The following RAB10 variants were observed in gnomAD, a reference collection of about 807,000 sequenced individuals.
RAB10 encodes ras-related protein Rab-10.
Under a neutral mutation model 25.7 loss-of-function variants are expected in RAB10, and 5 were observed. The observed-to-expected ratio is 0.19, with a 90% CI of 0.10 to 0.41. The LOEUF (loss-of-function observed/expected upper bound fraction) is 0.41, where lower values mean the gene tolerates loss of function less well. Ranked by LOEUF, RAB10 falls within the 10% of genes least tolerant of loss-of-function variation. The probability of loss-of-function intolerance (pLI) is 1.00; values close to 1 mark genes in which losing one functional copy is unlikely to be tolerated. For synonymous variants in RAB10, 89 were observed against 86.4 expected (o/e 1.03, Z -0.16); for missense variants, 103 against 245.8 (o/e 0.42, Z 3.89).
rs1665723256 is a variant in RAB10 at position 26,034,621 on chromosome 2, A to G, written c.13A>G (p.Thr5Ala). The G allele has an allele frequency of 3.7e-6, 6 of 1,613,730 alleles. No homozygotes were observed. The highest frequency in any genetic ancestry group is 5.1e-6 in the Non-Finnish European group (6 of 1,180,040). The change falls in exon 1 of 6, where the codon ACG becomes GCG. Residue 5 changes from threonine to alanine, a missense_variant. Thr to Ala is a moderately conservative substitution (Grantham distance 58). Coordinates refer to ENST00000264710, the MANE Select transcript of RAB10 (RefSeq NM_016131.5). Reference protein sequence around the residue: MAKKTYDLLFKLLLI... With the variant: MAKKAYDLLFKLLLI... The stretch of plus-strand genomic sequence containing the variant: ...GCCGCTCCTCCCAATGGCGAAGAAG[A>G]CGTACGACCTGCTTTTCAAGCTGCT...
chr2:26,129,446 T>C (rs1433505573), intron 5 of RAB10, among the ~76,000 whole-genome samples: 1 of 152,238 alleles, frequency 6.6e-6, no homozygotes, highest in East Asian at 1.9e-4. Flanking sequence ...TTTTAAATTT[T>C]CTTAACCAAC....
intron 2 of RAB10, among the ~76,000 whole-genome samples, chr2:26,107,440 A>G (rs1351324141): frequency 6.6e-6 from 1 of 152,246 alleles, no homozygotes; most frequent in Non-Finnish European, 1.5e-5. Context: ...AAGCCAGTGT[A>G]TCTGACAAAG....
chr2:26,087,860 AC>A (rs1667020930), intron 1 of RAB10, among the ~76,000 whole-genome samples: 1 of 152,240 alleles, frequency 6.6e-6, no homozygotes, highest in Non-Finnish European at 1.5e-5. Flanking sequence ...CTATTATTAC[AC>A]AAAAGGATCT....
Position 26,105,722 on chromosome 2 carries a change from A to G in RAB10, c.189-4046A>G, listed in dbSNP as rs147722776. On this transcript the variant is annotated intron_variant, in intron 2 of 5. Transcript: ENST00000264710. ...TGATTAAGATGCAGTCATACAGTGCATAATGATATTTTAGTCAGTGACTAC... is the reference window on the plus strand; with the variant it reads ...TGATTAAGATGCAGTCATACAGTGCGTAATGATATTTTAGTCAGTGACTAC... 3.5e-3 allele frequency among the ~76,000 whole-genome samples: 527 copies of G among 152,368 alleles called. 4 individuals are homozygous for G. Among genetic ancestry groups the G allele is most frequent in the African/African-American group, 8.8e-3 (366 of 41,584 alleles).
intron 2 of RAB10, among the ~76,000 whole-genome samples, chr2:26,099,206 C>T (rs1667288722): frequency 1.7e-5 from 1 of 58,940 alleles, no homozygotes; most frequent in Non-Finnish European, 3.2e-5. Context: ...CAATATTTTC[C>T]AGCAAATGTG....
intron 1 of RAB10, among the ~76,000 whole-genome samples, chr2:26,093,663 G>T (rs986681877): frequency 1.1e-4 from 16 of 152,172 alleles, no homozygotes; most frequent in African/African-American, 3.9e-4. Flanking sequence ...GAGGATTTAC[G>T]AAGTAGCATA....
intron 5 of RAB10, among the ~76,000 whole-genome samples, chr2:26,134,726 G>T (rs1668074449): frequency 1.3e-5 from 2 of 152,194 alleles, no homozygotes; most frequent in African/African-American, 4.8e-5. Context: ...GCCAGGAAAT[G>T]TCTACAATAT....
chr2:26,052,125 C>T (rs928777632), intron 1 of RAB10, among the ~76,000 whole-genome samples: 1 of 151,354 alleles, frequency 6.6e-6, no homozygotes, highest in Non-Finnish European at 1.5e-5. Flanking sequence ...TGCCTGTAAT[C>T]CTAGCACTTT....
intron 1 of RAB10, among the ~76,000 whole-genome samples, chr2:26,098,119 T>TTC (rs1416749646): frequency 7.7e-6 from 1 of 129,036 alleles, no homozygotes; most frequent in Non-Finnish European, 1.6e-5. Flanking sequence ...CTTTTTTTTT[T>TTC]TTTTTTTTTT....
intron 5 of RAB10, among the ~76,000 whole-genome samples, chr2:26,130,024 A>G (rs575920409): frequency 6.6e-6 from 1 of 152,346 alleles, no homozygotes; most frequent in East Asian, 1.9e-4. Context: ...GTAGATACCA[A>G]AGTCTAAATA....
chr2:26,061,646 C>T (rs1666396670), intron 1 of RAB10, among the ~76,000 whole-genome samples: 1 of 152,100 alleles, frequency 6.6e-6, no homozygotes, highest in Non-Finnish European at 1.5e-5. Context: ...CTGCCTTGGC[C>T]TCCCAAAGGG....
intron 1 of RAB10, among the ~76,000 whole-genome samples, chr2:26,091,513 A>T (rs1041899588): frequency 6.6e-6 from 1 of 152,190 alleles, no homozygotes; most frequent in Non-Finnish European, 1.5e-5. Context: ...GATGTAGAAA[A>T]TGTTGAGGGC....
chr2:26,108,284 G>T lies in RAB10; in HGVS notation c.189-1484G>T, dbSNP rs966994706. 9.9e-5 allele frequency among the ~76,000 whole-genome samples: 15 copies of T among 152,188 alleles called. No homozygotes were observed. The South Asian group carries it at 2.9e-3, about 29-fold the overall frequency. ...CCATGGGTGAATAATTAAGCAAATT[G>T]TGATACAGACATACCATAGAATGCT... is the stretch of plus-strand genomic sequence containing the variant. On this transcript the variant is annotated intron_variant, in intron 2 of 5. Coordinates refer to ENST00000264710, the MANE Select transcript of RAB10 (RefSeq NM_016131.5).
Position 26,108,879 on chromosome 2 carries a change from ATATTTATTTATTTATTTATT to A in RAB10, c.189-859_189-840del, listed in dbSNP as rs72232011. ...GGTTGAGATTGGGGTCTTTTGCTTT[ATATTTATTTATTTATTTATT>A]TATTTATTTATTTATTTATTTATTT... On this transcript the variant is annotated intron_variant, in intron 2 of 5. Coordinates refer to ENST00000264710, the MANE Select transcript of RAB10 (RefSeq NM_016131.5). 2.0e-3 allele frequency among the ~76,000 whole-genome samples: 285 copies of A among 139,630 alleles called. 1 individual carries two copies. The highest frequency in any genetic ancestry group is 5.8e-3 in the African/African-American group (221 of 38,004). The allele number at this position is 139,630 out of a possible 152,430, so 91.6% of individuals were successfully genotyped here.
At chr2:26,134,396 C>T (rs1344542099) in intron 5 of RAB10, among the ~76,000 whole-genome samples, 4 of 152,172 alleles carry the variant, frequency 2.6e-5, no homozygotes, top group Non-Finnish European at 4.4e-5. Context: ...GGATTACAGG[C>T]GTGAGGCACT....
intron 2 of RAB10, among the ~76,000 whole-genome samples, chr2:26,109,312 A>C (rs1249917529): frequency 6.6e-6 from 1 of 152,232 alleles, no homozygotes; most frequent in Non-Finnish European, 1.5e-5. Context: ...GCATAGTTAC[A>C]GGAGCAAAAT....
intron 2 of RAB10, among the ~76,000 whole-genome samples, chr2:26,107,904 T>A (rs1667499577): frequency 6.7e-6 from 1 of 149,242 alleles, no homozygotes; most frequent in Non-Finnish European, 1.5e-5. Context: ...AATAAACACA[T>A]GAAAAAATGT....
intron 3 of RAB10, among the ~76,000 whole-genome samples, chr2:26,124,388 G>GTTTTTTT (rs1559599431): frequency 1.2e-4 from 2 of 17,098 alleles, no homozygotes; most frequent in Non-Finnish European, 2.3e-4. Flanking sequence ...TGTTGTTGTT[G>GTTTTTTT]CTTTTTTTTT....
chr2:26,069,987 G>A (rs866749472), intron 1 of RAB10, among the ~76,000 whole-genome samples: 37 of 152,204 alleles, frequency 2.4e-4, no homozygotes, highest in African/African-American at 8.4e-4. Context: ...GATTACAGGC[G>A]TGAGCCATCG....
Sources: gnomAD v4.1 joint callset for allele counts (sites outside exome capture counted in the v4.1 genomes callset) on GRCh38, gnomAD v4.1.1 for gene constraint, MANE v1.5 for transcripts, NCBI Gene and HGNC (gene_info 2026-07-23, HGNC 2026-07-21) for gene names.